Variants in RHOBTB3 observed in about 807,000 individuals in gnomAD.
RHOBTB3 encodes Rho related BTB domain containing 3.
Under a neutral mutation model 67.2 loss-of-function variants are expected in RHOBTB3, and 47 were observed. The observed-to-expected ratio is 0.70, with a 90% CI of 0.55 to 0.89. The LOEUF is 0.89. Ranked by LOEUF, RHOBTB3 falls within the 40% of genes least tolerant of loss-of-function variation. The pLI is 0.00. For synonymous variants in RHOBTB3, 273 were observed against 274.2 expected, an observed-to-expected ratio of 1.00 and a Z score of 0.04; for missense variants, 631 against 750.0, an observed-to-expected ratio of 0.84 and a Z score of 1.85.
At chr5:95,784,683 G>T (rs989464309) in intron 10 of RHOBTB3, among the ~76,000 whole-genome samples, 3 of 152,184 alleles carry the variant, frequency 2.0e-5, no homozygotes, top group Non-Finnish European at 4.4e-5. Flanking sequence ...AGCCAGGTCT[G>T]TAAATAAACT....
In RHOBTB3 at chr5:95,771,003, C is replaced by CT. The variant is rs1249477813; in HGVS notation, c.1282+2839dup. Among the ~76,000 whole-genome samples the CT allele has an allele frequency of 1.4e-4, 22 of 152,022 alleles. No homozygotes were observed. In the South Asian group the frequency reaches 4.6e-3, roughly 32 times the overall value. On this transcript the variant is annotated intron_variant, in intron 8 of 11. Transcript: ENST00000379982. Reference sequence around the variant, plus strand: ...CCACGTACCCATGTACTGCTTTAAGCTTAAATCACTGAGGCATTTTTACTA... The same window carrying CT: ...CCACGTACCCATGTACTGCTTTAAGCTTTAAATCACTGAGGCATTTTTACTA...
At chr5:95,790,286 T>A (rs1260775558) in intron 11 of RHOBTB3, among the ~76,000 whole-genome samples, 1 of 152,218 alleles carries the variant, frequency 6.6e-6, no homozygotes, top group Non-Finnish European at 1.5e-5. Flanking sequence ...TCTATAGTTA[T>A]TTAAGTAGCT....
chr5:95,755,553 T>A lies in RHOBTB3; in HGVS notation c.840T>A (p.Val280=). Residue 280 remains valine (V), a synonymous_variant, in exon 6 of 12, where the codon GTT becomes GTA. Transcript: ENST00000379982. ...TCGTTCTCTGCGCTGTAAGCCATGT[T>A]TTCATGCTGCTTTTCAATGTGAAGA... ...HKIVLCAVSH[V]FMLLFNVKSP... 1 of 1,614,152 alleles carries A rather than the reference T, an allele frequency of 6.2e-7. No individual in the cohort carries two copies. Among genetic ancestry groups the A allele is most frequent in the Non-Finnish European group, 8.5e-7 (1 of 1,180,020 alleles).
At chr5:95,786,120 T>C (rs1214502804) in intron 10 of RHOBTB3, among the ~76,000 whole-genome samples, 1 of 152,246 alleles carries the variant, frequency 6.6e-6, no homozygotes, top group Admixed American at 6.5e-5. Flanking sequence ...ATTCTTTTCC[T>C]GGTGGTTCCT....
At chr5:95,741,753 C>T (rs1431389456) in intron 3 of RHOBTB3, among the ~76,000 whole-genome samples, 3 of 152,030 alleles carry the variant, frequency 2.0e-5, no homozygotes, top group South Asian at 2.1e-4. Context: ...AGCCCAGGCC[C>T]TTTAGTTTGC....
At chr5:95,765,864 G>C (rs529962733) in intron 7 of RHOBTB3, among the ~76,000 whole-genome samples, 2 of 152,208 alleles carry the variant, frequency 1.3e-5, no homozygotes, top group African/African-American at 4.8e-5. Context: ...GGGTTTCACC[G>C]TGTTAGCCAG....
chr5:95,736,957 A>G lies in RHOBTB3; in HGVS notation c.297A>G (p.Lys99=). ...GGGGCGCTGACATCATTGTGATCAAATACAACGTTAATGACAAGTTTTCAT... is the reference window on the plus strand; with the variant it reads ...GGGGCGCTGACATCATTGTGATCAAGTACAACGTTAATGACAAGTTTTCAT... ...LIGGADIIVI[K]YNVNDKFSFH... Residue 99 remains lysine, a synonymous_variant, in exon 3 of 12, where the codon AAA becomes AAG. Transcript: ENST00000379982. The G allele has an allele frequency of 6.2e-7, 1 of 1,612,708 alleles. No homozygotes were observed.
At chr5:95,755,916 A>C (rs1482945848) in intron 6 of RHOBTB3, 155 bp downstream of exon 6, 2 of 714,440 alleles carry the variant, frequency 2.8e-6, no homozygotes, top group Non-Finnish European at 4.5e-6. Flanking sequence ...CTTTATATAT[A>C]AGAATTGGTC....
At chr5:95,737,738 G>T (rs138767540) in intron 3 of RHOBTB3, among the ~76,000 whole-genome samples, 1 of 152,144 alleles carries the variant, frequency 6.6e-6, no homozygotes, top group African/African-American at 2.4e-5. Context: ...GAGGTATTGC[G>T]AAGTAAAGGA....
chr5:95,780,518 T>G (rs1308872522), intron 9 of RHOBTB3, 93 bp downstream of exon 9: 1 of 1,059,810 alleles, frequency 9.4e-7, no homozygotes, highest in Non-Finnish European at 1.4e-6. Context: ...TATTTTCATT[T>G]AAGATTTATT....
intron 1 of RHOBTB3, among the ~76,000 whole-genome samples, chr5:95,724,709 A>C (rs2112752363): frequency 6.6e-6 from 1 of 152,232 alleles, no homozygotes; most frequent in African/African-American, 2.4e-5. Context: ...CAGGTAATCC[A>C]CAAGTTTCTT....
intron 2 of RHOBTB3, among the ~76,000 whole-genome samples, chr5:95,735,952 A>T (rs2112775340): frequency 6.6e-6 from 1 of 152,266 alleles, no homozygotes; most frequent in Non-Finnish European, 1.5e-5. Context: ...AGTACAAAAA[A>T]ATTAGCCGGA....
chr5:95,786,212 A>T (rs951543687), intron 10 of RHOBTB3, among the ~76,000 whole-genome samples: 2 of 152,112 alleles, frequency 1.3e-5, no homozygotes, highest in South Asian at 2.1e-4. Flanking sequence ...ATTTCACTTC[A>T]CCAGTCAGTT....
intron 3 of RHOBTB3, among the ~76,000 whole-genome samples, chr5:95,740,854 C>T (rs1003346574): frequency 2.0e-5 from 3 of 151,228 alleles, no homozygotes; most frequent in Admixed American, 1.3e-4. Context: ...ATTTTATAAA[C>T]ACACACACAC....
intron 8 of RHOBTB3, among the ~76,000 whole-genome samples, chr5:95,778,867 C>T (rs1473485831): frequency 6.6e-6 from 1 of 152,140 alleles, no homozygotes; most frequent in Non-Finnish European, 1.5e-5. Flanking sequence ...AGTGTGCCTG[C>T]CAGGAGGTGA....
chr5:95,741,526 T>TTG (rs1755599307), intron 3 of RHOBTB3, among the ~76,000 whole-genome samples: 1 of 131,742 alleles, frequency 7.6e-6, no homozygotes, highest in African/African-American at 2.9e-5. Context: ...TCTTTCTGTT[T>TTG]TTTTTTTTTT....
intron 8 of RHOBTB3, among the ~76,000 whole-genome samples, chr5:95,779,729 C>T (rs1745994664): frequency 1.3e-5 from 2 of 152,168 alleles, no homozygotes; most frequent in Non-Finnish European, 2.9e-5. Context: ...CTGAAATGCT[C>T]TCCTTGGCTC....
At chr5:95,725,808 CTT>C (rs201325391) in intron 1 of RHOBTB3, among the ~76,000 whole-genome samples, 10 of 139,726 alleles carry the variant, frequency 7.2e-5, no homozygotes, top group Admixed American at 7.1e-5. Context: ...TGGAATTCTT[CTT>C]TTTTTTTTTT....
intron 10 of RHOBTB3, among the ~76,000 whole-genome samples, chr5:95,784,829 C>G (rs968758669): frequency 6.6e-6 from 1 of 152,198 alleles, no homozygotes; most frequent in Admixed American, 6.5e-5. Flanking sequence ...TACCGTTGGC[C>G]ATTCTGCCAT....
Sources: allele counts gnomAD v4.1 joint callset (sites outside exome capture counted in the v4.1 genomes callset), GRCh38; gene constraint gnomAD v4.1.1; transcripts MANE v1.5; gene names NCBI Gene and HGNC (gene_info 2026-07-23, HGNC 2026-07-21).